Variants in HSD11B1 observed in about 807,000 individuals in gnomAD.
HSD11B1 encodes the protein hydroxysteroid 11-beta dehydrogenase 1.
In HSD11B1, 15 loss-of-function variants were observed where a neutral mutation model predicts 22.1. That is an observed-to-expected ratio of 0.68 (90% CI 0.45 to 1.04). The LOEUF (loss-of-function observed/expected upper bound fraction) is 1.04. Among genes scored for constraint, HSD11B1 ranks in the 50% least tolerant of loss-of-function variants. The pLI, the probability that HSD11B1 is intolerant of heterozygous loss-of-function variation, is 0.00. For missense variants in HSD11B1, 281 were observed against 357.6 expected (o/e 0.79, Z 1.73); for synonymous variants, 122 against 125.2 (o/e 0.97, Z 0.17).
chr1:209,688,933 C>G (rs1401178919), intron 1 of HSD11B1, among the ~76,000 whole-genome samples: 1 of 152,156 alleles, frequency 6.6e-6, no homozygotes, highest in African/African-American at 2.4e-5. Context: ...CCCAAGACTG[C>G]TGGAGTCTGA....
chr1:209,698,314 T>A (rs1177419130), intron 1 of HSD11B1, among the ~76,000 whole-genome samples: 1 of 152,252 alleles, frequency 6.6e-6, no homozygotes, highest in Non-Finnish European at 1.5e-5. Flanking sequence ...AATTCAGATT[T>A]AACTGGGCAT....
rs1331167050 is a variant in HSD11B1 at position 209,705,902 on chromosome 1, T to C, written c.180T>C (p.His60=). 3.1e-6 allele frequency: 5 copies of C among 1,613,958 alleles called. No individual in the cohort carries two copies. The South Asian group carries it at 3.3e-5, about 11-fold the overall frequency. ...MAYHLAKMGA[H]VVVTARSKET... ...ATCATCTGGCGAAGATGGGAGCCCA[T>C]GTGGTGGTGACAGCGAGGTCAAAAG... is the stretch of plus-strand genomic sequence containing the variant. Residue 60 remains histidine (H), a synonymous_variant, in exon 2 of 6, where the codon CAT becomes CAC. Coordinates refer to ENST00000367027, the MANE Select transcript of HSD11B1 (RefSeq NM_005525.4).
At chr1:209,700,470 A>G (rs927236307), upstream of HSD11B1, among the ~76,000 whole-genome samples, 1 of 152,162 alleles carries the variant, frequency 6.6e-6, no homozygotes, top group Non-Finnish European at 1.5e-5. Flanking sequence ...TAGCCTGCGC[A>G]TAGCACAGGG....
intron 4 of HSD11B1, among the ~76,000 whole-genome samples, chr1:209,731,550 G>T (rs752069633): frequency 6.6e-6 from 1 of 152,054 alleles, no homozygotes; most frequent in African/African-American, 2.4e-5. Flanking sequence ...AAGACTATAG[G>T]GTCTCAGGTC....
chr1:209,726,653 G>A (rs1223868959), intron 4 of HSD11B1, among the ~76,000 whole-genome samples: 1 of 152,080 alleles, frequency 6.6e-6, no homozygotes, highest in African/African-American at 2.4e-5. Context: ...TTTTCAGGTG[G>A]TCTTCTGACA....
At chr1:209,697,883 C>CTTTTTTTT (rs1558187212) in intron 1 of HSD11B1, among the ~76,000 whole-genome samples, 48 of 21,924 alleles carry the variant, frequency 2.2e-3, no homozygotes, top group African/African-American at 3.4e-3. Context: ...TTTGTTTTTT[C>CTTTTTTTT]CTTTTTTTTT....
chr1:209,697,645 G>A (rs1558187100), intron 1 of HSD11B1, among the ~76,000 whole-genome samples: 4 of 152,064 alleles, frequency 2.6e-5, no homozygotes, highest in Non-Finnish European at 5.9e-5. Flanking sequence ...CTACCATGTG[G>A]TATGTACCTC....
intron 4 of HSD11B1, among the ~76,000 whole-genome samples, chr1:209,718,385 T>TA (rs1558195318): frequency 6.6e-6 from 1 of 152,168 alleles, no homozygotes; most frequent in Admixed American, 6.5e-5. Flanking sequence ...CTTAAATTTT[T>TA]AAAAAAATTT....
At chr1:209,725,786 TG>T (rs957141818) in intron 4 of HSD11B1, among the ~76,000 whole-genome samples, 34 of 152,154 alleles carry the variant, frequency 2.2e-4, no homozygotes, top group Admixed American at 2.2e-3. Flanking sequence ...ACTAGAAGAA[TG>T]GGGGGCAGAG....
At chr1:209,710,355 A>C (rs975141923) in intron 4 of HSD11B1, among the ~76,000 whole-genome samples, 16 of 152,124 alleles carry the variant, frequency 1.1e-4, no homozygotes, top group African/African-American at 3.9e-4. Flanking sequence ...CCATTTCTCC[A>C]CCTGCTTTAT....
In HSD11B1 at chr1:209,706,594, T is replaced by G. The variant is rs568205758; in HGVS notation, c.220-115T>G. On this transcript the variant is annotated intron_variant, in intron 2 of 5. Transcript: ENST00000367027. This position sits in a 1 kb window ranked among gnomAD's most constrained non-coding sequence, Gnocchi z 4.0. ...ACACACACACAAACATACTTACCAT[T>G]TCTTACCTAAACAGGGCTGTGAGCA... The G allele has an allele frequency of 1.3e-6, 1 of 783,748 alleles. No homozygotes were observed. Among genetic ancestry groups the G allele is most frequent in the East Asian group, 2.4e-5 (1 of 41,034 alleles). The allele number at this position is 783,748 out of a possible 1,614,324, so 48.5% of individuals were successfully genotyped here. A position where few individuals can be genotyped will look rare whatever the true frequency, so the allele number is the denominator to read the frequency against.
At chr1:209,712,185 C>G (rs1010942655) in intron 4 of HSD11B1, among the ~76,000 whole-genome samples, 1 of 151,872 alleles carries the variant, frequency 6.6e-6, no homozygotes, top group African/African-American at 2.4e-5. Flanking sequence ...ATAAATGTGC[C>G]CAAATTAGAC....
chr1:209,717,903 T>C lies in HSD11B1; in HGVS notation c.517+10775T>C, dbSNP rs547370198. On this transcript the variant is annotated intron_variant, in intron 4 of 5. Transcript: ENST00000367027. ...AAAAAAAAAAAAAAAAGGAAATCAA[T>C]ATATCAAAGAGATATATGCAACTCC... Among the ~76,000 whole-genome samples, 10 of 137,064 alleles carry C rather than the reference T, an allele frequency of 7.3e-5. No homozygotes were observed. In the South Asian group the frequency reaches 2.1e-3, roughly 29 times the overall value. The allele number at this position is 137,064 out of a possible 152,430, so 89.9% of individuals were successfully genotyped here.
At position 209,734,536 on chromosome 1, in the gene HSD11B1, C is replaced by T; in HGVS notation, c.*15C>T. 6.3e-7 allele frequency: 1 copy of T among 1,575,948 alleles called. No homozygotes were observed. The highest frequency in any genetic ancestry group is 8.7e-7 in the Non-Finnish European group (1 of 1,146,706). ...TAAACAAGTAGGAACTCCCTGAGGG[C>T]TGGGCATGCTGAGGGATTTTGGGAC... On this transcript the variant is annotated 3_prime_UTR_variant, in exon 6 of 6. Coordinates refer to ENST00000367027, the MANE Select transcript of HSD11B1 (RefSeq NM_005525.4).
chr1:209,706,084 T>C lies in HSD11B1; in HGVS notation c.219+143T>C. Reference sequence around the variant, plus strand: ...CACACACAGACACTTAATTTTGCACTCTCATATATAGATTCAAACACCAAA... The same window carrying C: ...CACACACAGACACTTAATTTTGCACCCTCATATATAGATTCAAACACCAAA... On this transcript the variant is annotated intron_variant, in intron 2 of 5. Coordinates refer to ENST00000367027, the MANE Select transcript of HSD11B1 (RefSeq NM_005525.4). This position sits in a 1 kb window ranked among gnomAD's most constrained non-coding sequence, Gnocchi z 4.0. The C allele has an allele frequency of 9.5e-7, 1 of 1,050,846 alleles. No homozygotes were observed. Among genetic ancestry groups the C allele is most frequent in the Non-Finnish European group, 1.4e-6 (1 of 701,176 alleles). 65.1% of individuals were successfully genotyped at this position (1,050,846 alleles called of 1,614,324 possible).
chr1:209,689,608 C>T (rs765230649), intron 1 of HSD11B1, among the ~76,000 whole-genome samples: 1 of 152,162 alleles, frequency 6.6e-6, no homozygotes, highest in Non-Finnish European at 1.5e-5. Flanking sequence ...TGAGTGAATT[C>T]TTACTCTATG....
chr1:209,701,298 G>A (rs2076825387), upstream of HSD11B1, among the ~76,000 whole-genome samples: 1 of 152,186 alleles, frequency 6.6e-6, no homozygotes, highest in Admixed American at 6.5e-5. Flanking sequence ...TTACATGGCA[G>A]TAGCAAGAGA....
chr1:209,707,192 G>C, intron 4 of HSD11B1, 64 bp downstream of exon 4: 1 of 1,329,780 alleles, frequency 7.5e-7, no homozygotes, highest in Non-Finnish European at 1.1e-6. Flanking sequence ...GATGATGCCA[G>C]GCTCTGAAGT....
intron 1 of HSD11B1, among the ~76,000 whole-genome samples, chr1:209,686,873 G>A (rs775937158): frequency 6.6e-6 from 1 of 152,156 alleles, no homozygotes; most frequent in African/African-American, 2.4e-5. Flanking sequence ...AGGCCTAAAC[G>A]TGTCCATCAA....
Sources: gnomAD v4.1 joint callset for allele counts (sites outside exome capture counted in the v4.1 genomes callset) on GRCh38, gnomAD v4.1.1 for gene constraint, Gnocchi (gnomAD v3.1) non-coding constraint, MANE v1.5 for transcripts, NCBI Gene and HGNC (gene_info 2026-07-23, HGNC 2026-07-21) for gene names.